SEMA6A: variants seen among roughly 807,000 people sequenced by gnomAD.
SEMA6A encodes the protein semaphorin-6A.
A neutral mutation model predicts 96.8 loss-of-function variants in SEMA6A; 25 were observed. The ratio of observed to expected loss-of-function variants is 0.26; its 90% CI spans 0.19 to 0.36. The LOEUF (loss-of-function observed/expected upper bound fraction) is 0.36, where lower values mean the gene tolerates loss of function less well. Ranked by LOEUF, SEMA6A falls within the 10% of genes least tolerant of loss-of-function variation. The pLI is 1.00. For synonymous variants in SEMA6A, 612 were observed against 518.0 expected, an observed-to-expected ratio of 1.18 and a Z score of -2.46; for missense variants, 1,363 against 1,323.1, an observed-to-expected ratio of 1.03 and a Z score of -0.47.
chr5:116,530,971 T>C (rs1580481153), intron 1 of SEMA6A, among the ~76,000 whole-genome samples: 1 of 152,138 alleles, frequency 6.6e-6, no homozygotes, highest in Non-Finnish European at 1.5e-5. Context: ...TTATCCCCAT[T>C]TGACAGATAA....
intron 1 of SEMA6A, among the ~76,000 whole-genome samples, chr5:116,528,568 C>T (rs565147597): frequency 6.6e-6 from 1 of 152,328 alleles, no homozygotes; most frequent in Admixed American, 6.5e-5. Context: ...GAGGTGTCAT[C>T]ATTCTGCCAC....
Position 116,504,855 on chromosome 5 carries a change from C to T in SEMA6A, c.90G>A (p.Ser30=), listed in dbSNP as rs775929936. 1.4e-5 allele frequency: 22 copies of T among 1,597,904 alleles called. No individual in the cohort carries two copies. The highest frequency in any genetic ancestry group is 9.0e-5 in the East Asian group (4 of 44,264). Residue 30 remains serine, a synonymous_variant, in exon 2 of 19, where the codon TCG becomes TCA. Coordinates refer to ENST00000343348, the MANE Select transcript of SEMA6A (RefSeq NM_020796.5). ...ACCATGGGTACTTACAGTTGCCATG[C>T]GAAATACTGATTGGCTCAGAATCTT... The part of the protein sequence containing the change: ...FPEDSEPISI[S]HGNYTKQYPV...
At chr5:116,457,115 A>G (rs531725756) in intron 18 of SEMA6A, among the ~76,000 whole-genome samples, 3 of 152,176 alleles carry the variant, frequency 2.0e-5, no homozygotes, top group South Asian at 4.1e-4. Context: ...CTGCAAATCC[A>G]TAGAATTACA....
At chr5:116,559,087 T>G (rs1431268698) in intron 1 of SEMA6A, among the ~76,000 whole-genome samples, 1 of 152,216 alleles carries the variant, frequency 6.6e-6, no homozygotes, top group Admixed American at 6.5e-5. Context: ...ATGCAATGAA[T>G]GTGCTTCCGT....
At chr5:116,466,153 C>G (rs1420000990) in intron 18 of SEMA6A, among the ~76,000 whole-genome samples, 1 of 151,058 alleles carries the variant, frequency 6.6e-6, no homozygotes, top group African/African-American at 2.4e-5. Context: ...GGTGGATCAC[C>G]TGAGGTCAGG....
chr5:116,467,523 A>G, intron 18 of SEMA6A, 60 bp downstream of exon 18: 2 of 1,509,806 alleles, frequency 1.3e-6, no homozygotes, highest in South Asian at 1.3e-5. Context: ...GCAGTTACAC[A>G]GTCCTCCCCA....
chr5:116,549,131 G>A (rs1760302319), intron 1 of SEMA6A, among the ~76,000 whole-genome samples: 1 of 152,132 alleles, frequency 6.6e-6, no homozygotes, highest in Non-Finnish European at 1.5e-5. Context: ...AACATCACAT[G>A]CTAAATTCCC....
chr5:116,504,243 T>G (rs1011911370), intron 2 of SEMA6A, among the ~76,000 whole-genome samples: 12 of 152,174 alleles, frequency 7.9e-5, no homozygotes, highest in Admixed American at 3.9e-4. Flanking sequence ...GAATGTTCCA[T>G]CCAACACATA....
At chr5:116,463,926 G>A (rs375667493) in intron 18 of SEMA6A, among the ~76,000 whole-genome samples, 5 of 152,192 alleles carry the variant, frequency 3.3e-5, no homozygotes, top group African/African-American at 1.2e-4. Flanking sequence ...TGCTCTGGAT[G>A]TGGCTGATTT....
rs545188153 is a variant in SEMA6A at position 116,450,801 on chromosome 5, TG to T, written c.1895-2991del. ...GCAGAGGGCTTTCCTCATCTGCTTG[TG>T]TAAATTCAGAAACGTCCAAAGATGG... is the stretch of plus-strand genomic sequence containing the variant. On this transcript the variant is annotated intron_variant, in intron 18 of 18. Coordinates refer to ENST00000343348, the MANE Select transcript of SEMA6A (RefSeq NM_020796.5). Among the ~76,000 whole-genome samples, 732 of 152,304 alleles carry T rather than the reference TG, an allele frequency of 4.8e-3. 6 individuals carry two copies. The highest frequency in any genetic ancestry group is 0.021 in the South Asian group (99 of 4,828).
intron 2 of SEMA6A, among the ~76,000 whole-genome samples, chr5:116,503,031 C>T (rs1033589376): frequency 7.2e-5 from 11 of 152,222 alleles, no homozygotes; most frequent in Non-Finnish European, 1.2e-4. Flanking sequence ...GCATATTTCT[C>T]TTTTCCTACA....
chr5:116,473,452 C>A (rs1333948518), intron 16 of SEMA6A, among the ~76,000 whole-genome samples: 1 of 152,220 alleles, frequency 6.6e-6, no homozygotes, highest in Non-Finnish European at 1.5e-5. Context: ...ACCACACTTA[C>A]AAAGAAAACA....
intron 1 of SEMA6A, among the ~76,000 whole-genome samples, chr5:116,527,603 A>C (rs1302346189): frequency 6.6e-6 from 1 of 152,206 alleles, no homozygotes; most frequent in Non-Finnish European, 1.5e-5. Flanking sequence ...GGGAGAAAGA[A>C]GTCGGTAATG....
intron 1 of SEMA6A, among the ~76,000 whole-genome samples, chr5:116,525,256 A>G (rs1759171130): frequency 6.6e-6 from 1 of 152,130 alleles, no homozygotes; most frequent in Non-Finnish European, 1.5e-5. Flanking sequence ...TAGTCCTTCC[A>G]TTAGTGGCTG....
At position 116,501,395 on chromosome 5, in the gene SEMA6A, A is replaced by AT. The variant is rs201843318; in HGVS notation, c.218+814dup. ...AATAACATTTCCCCAATGGATGAGT[A>AT]TTTTTTTTTTACTAAAACCAAATAA... On this transcript the variant is annotated intron_variant, in intron 3 of 18. Coordinates refer to ENST00000343348, the MANE Select transcript of SEMA6A (RefSeq NM_020796.5). Among the ~76,000 whole-genome samples the AT allele has an allele frequency of 1.0e-3, 156 of 150,704 alleles. 2 individuals are homozygous for AT. The highest frequency in any genetic ancestry group is 3.2e-3 in the African/African-American group (132 of 41,068).
At chr5:116,473,354 C>T (rs258017) in intron 16 of SEMA6A, among the ~76,000 whole-genome samples, 56,244 of 152,212 alleles carry the variant, frequency 0.37, 12,943 homozygotes, top group Non-Finnish European at 0.51. Context: ...AGTTGGCAGA[C>T]GAAATGGTAA....
At chr5:116,447,895 A>G (rs1336772204) in intron 18 of SEMA6A, 84 bp from the exon 19 acceptor site, 3 of 1,123,850 alleles carry the variant, frequency 2.7e-6, no homozygotes, top group Non-Finnish European at 2.5e-6. Context: ...TTGTTAATTA[A>G]TAACAGTAGT....
intron 17 of SEMA6A, 124 bp from the exon 18 acceptor site, chr5:116,467,871 T>A (rs1755864943): frequency 2.3e-6 from 2 of 862,266 alleles, no homozygotes; most frequent in Non-Finnish European, 3.5e-6. Flanking sequence ...GCCCTAGAAA[T>A]GACACGGCTT....
intron 1 of SEMA6A, among the ~76,000 whole-genome samples, chr5:116,551,762 C>G (rs1422294912): frequency 6.6e-6 from 1 of 152,190 alleles, no homozygotes; most frequent in African/African-American, 2.4e-5. Flanking sequence ...ATAGGTATCT[C>G]AGAGGTCGTA....
Sources: allele counts gnomAD v4.1 joint callset (sites outside exome capture counted in the v4.1 genomes callset), GRCh38; gene constraint gnomAD v4.1.1; transcripts MANE v1.5; gene names NCBI Gene and HGNC (gene_info 2026-07-23, HGNC 2026-07-21).